The following MARCHF1 variants were observed in gnomAD, a reference collection of about 807,000 sequenced individuals.
The protein encoded by MARCHF1 is E3 ubiquitin-protein ligase MARCHF1.
In MARCHF1, 40 loss-of-function variants were observed where a neutral mutation model predicts 54.2. The observed-to-expected ratio is 0.74, with a 90% CI of 0.57 to 0.96. The LOEUF is 0.96. Among genes scored for constraint, MARCHF1 ranks in the 40% least tolerant of loss-of-function variants. MARCHF1 has a pLI of 0.00. For missense variants in MARCHF1, 586 were observed against 656.5 expected (o/e 0.89, Z 1.17); for synonymous variants, 236 against 236.3 (o/e 1.00, Z 0.01).
At chr4:163,831,106 G>A (rs78916145) in intron 4 of MARCHF1, among the ~76,000 whole-genome samples, 3,629 of 152,266 alleles carry the variant, frequency 0.024, 131 homozygotes, top group African/African-American at 0.08. Context: ...AATTTCTTCT[G>A]TCTTTCCTAT....
rs1390630668 is a variant in MARCHF1 at position 164,188,718 on chromosome 4, T to C, written c.-322-77056A>G. The C allele has an allele frequency of 2.9e-6, 3 of 1,050,294 alleles. No homozygotes were observed. In the African/African-American group the frequency reaches 4.7e-5, roughly 16 times the overall value. 65.1% of individuals were successfully genotyped at this position (1,050,294 alleles called of 1,614,324 possible). ...CTGTCTATGCAGCAGGACATCAAGTTCTTGCGGTTCAAGGTAGTTGAAAAG... is the reference window on the plus strand; with the variant it reads ...CTGTCTATGCAGCAGGACATCAAGTCCTTGCGGTTCAAGGTAGTTGAAAAG... On this transcript the variant is annotated intron_variant, in intron 1 of 9. Coordinates refer to ENST00000514618, the MANE Select transcript of MARCHF1 (RefSeq NM_001394959.1).
intron 1 of MARCHF1, among the ~76,000 whole-genome samples, chr4:164,212,836 A>G (rs1229066854): frequency 6.6e-6 from 1 of 152,064 alleles, no homozygotes; most frequent in Non-Finnish European, 1.5e-5. Context: ...AAGAGTGAAA[A>G]ACGAGGCCCA....
chr4:164,241,336 G>A (rs533984375), intron 1 of MARCHF1, among the ~76,000 whole-genome samples: 2 of 152,256 alleles, frequency 1.3e-5, no homozygotes, highest in African/African-American at 2.4e-5. Context: ...CAGCTGCCCT[G>A]CGATAATTAA....
At chr4:164,026,897 T>C (rs1273555777) in intron 2 of MARCHF1, among the ~76,000 whole-genome samples, 2 of 152,080 alleles carry the variant, frequency 1.3e-5, no homozygotes, top group African/African-American at 2.4e-5. Context: ...AGTTTCAGGA[T>C]ACAAAATCAG....
intron 1 of MARCHF1, among the ~76,000 whole-genome samples, chr4:164,371,091 A>C (rs1578907899): frequency 6.6e-6 from 1 of 152,308 alleles, no homozygotes; most frequent in Middle Eastern, 3.4e-3. Flanking sequence ...TAGACAAACC[A>C]ATGGAACATA....
intron 2 of MARCHF1, among the ~76,000 whole-genome samples, chr4:164,108,599 T>C (rs1220375300): frequency 6.6e-6 from 1 of 152,062 alleles, no homozygotes; most frequent in Non-Finnish European, 1.5e-5. Context: ...GAAGCAGTGG[T>C]CATATTTGGC....
At chr4:164,083,666 G>T (rs188080545) in intron 2 of MARCHF1, among the ~76,000 whole-genome samples, 1 of 152,084 alleles carries the variant, frequency 6.6e-6, no homozygotes, top group East Asian at 1.9e-4. Context: ...GCTGCATCTT[G>T]GTTAGATCTT....
intron 5 of MARCHF1, among the ~76,000 whole-genome samples, chr4:163,678,334 G>C (rs148766473): frequency 6.6e-6 from 1 of 152,294 alleles, no homozygotes; most frequent in African/African-American, 2.4e-5. Context: ...CACAGAATCT[G>C]TTCTGCCTCT....
At chr4:164,175,909 C>A (rs1411906095) in intron 1 of MARCHF1, among the ~76,000 whole-genome samples, 1 of 152,134 alleles carries the variant, frequency 6.6e-6, no homozygotes, top group Admixed American at 6.6e-5. Flanking sequence ...CCCTAATACA[C>A]CCCTGTAATC....
At chr4:163,603,550 G>C (rs1024717551) in intron 7 of MARCHF1, among the ~76,000 whole-genome samples, 3 of 152,022 alleles carry the variant, frequency 2.0e-5, no homozygotes, top group East Asian at 3.9e-4. Flanking sequence ...AGTTAAATTT[G>C]AATTTCATAT....
rs1359676928 is a variant in MARCHF1, at chr4:163,528,371, TACAC to T, written c.*373_*376del. ...TAACATTACAAGGCCCTAGAAGTAA[TACAC>T]ATCGCAATTCAAGTCTGTATTCTTG... On this transcript the variant is annotated 3_prime_UTR_variant, in exon 10 of 10. Coordinates refer to ENST00000514618, the MANE Select transcript of MARCHF1 (RefSeq NM_001394959.1). The T allele has an allele frequency of 2.1e-5, 4 of 188,596 alleles. No homozygotes were observed. The highest frequency in any genetic ancestry group is 3.3e-5 in the Non-Finnish European group (3 of 91,028). The allele number at this position is 188,596 out of a possible 1,614,324, so 11.7% of individuals were successfully genotyped here.
intron 1 of MARCHF1, among the ~76,000 whole-genome samples, chr4:164,114,446 C>T (rs929987730): frequency 4.0e-5 from 6 of 151,508 alleles, no homozygotes; most frequent in Non-Finnish European, 7.4e-5. Flanking sequence ...ATTAATAATT[C>T]AAAAATAAGT....
At chr4:163,946,879 A>C (rs938279282) in intron 3 of MARCHF1, among the ~76,000 whole-genome samples, 1 of 152,150 alleles carries the variant, frequency 6.6e-6, no homozygotes, top group Admixed American at 6.5e-5. Context: ...TCACTGCAAC[A>C]ATTTGTTAAG....
intron 3 of MARCHF1, among the ~76,000 whole-genome samples, chr4:163,913,334 T>A (rs1751236831): frequency 6.6e-6 from 1 of 152,178 alleles, no homozygotes. Flanking sequence ...CAAAGAGGGA[T>A]CTGCTTCTGT....
chr4:164,119,106 A>G lies in MARCHF1; in HGVS notation c.-322-7444T>C, dbSNP rs368391953. Among the ~76,000 whole-genome samples the G allele has an allele frequency of 2.3e-3, 351 of 151,848 alleles. 3 individuals are homozygous for G. Among genetic ancestry groups the G allele is most frequent in the Non-Finnish European group, 3.9e-3 (266 of 67,786 alleles). On this transcript the variant is annotated intron_variant, in intron 1 of 9. Transcript: ENST00000514618. Reference sequence around the variant, plus strand: ...CTTCAAATAAGTGAGAATTGACTACACATTAGACCCTAAAAAACCCTTAGT... The same window carrying G: ...CTTCAAATAAGTGAGAATTGACTACGCATTAGACCCTAAAAAACCCTTAGT...
chr4:164,174,978 A>T (rs1274173426), intron 1 of MARCHF1, among the ~76,000 whole-genome samples: 2 of 152,098 alleles, frequency 1.3e-5, no homozygotes, highest in Admixed American at 6.6e-5. Flanking sequence ...TAAGGACAAA[A>T]ACTGTAAAGC....
intron 1 of MARCHF1, among the ~76,000 whole-genome samples, chr4:164,293,273 C>T (rs1432237262): frequency 6.6e-6 from 1 of 151,992 alleles, no homozygotes; most frequent in African/African-American, 2.4e-5. Context: ...CAACAAATAG[C>T]AGAGTGTCAG....
At chr4:163,621,684 G>A (rs1286789464) in intron 5 of MARCHF1, among the ~76,000 whole-genome samples, 2 of 152,140 alleles carry the variant, frequency 1.3e-5, no homozygotes, top group African/African-American at 4.8e-5. Context: ...AAAATTTGCA[G>A]CATACAGGAA....
chr4:164,017,836 C>CAAAAAAAAAA (rs35073711), intron 2 of MARCHF1, among the ~76,000 whole-genome samples: 2 of 138,102 alleles, frequency 1.4e-5, no homozygotes, highest in African/African-American at 2.7e-5. Flanking sequence ...CCTAAATTAG[C>CAAAAAAAAAA]AAAAAAAAAA....
Sources: gnomAD v4.1 joint callset for allele counts (sites outside exome capture counted in the v4.1 genomes callset) on GRCh38, gnomAD v4.1.1 for gene constraint, MANE v1.5 for transcripts, NCBI Gene and HGNC (gene_info 2026-07-23, HGNC 2026-07-21) for gene names.